Variants in LRRTM3 observed in about 807,000 individuals in gnomAD.
LRRTM3 encodes leucine-rich repeat transmembrane neuronal protein 3.
LRRTM3 carries 24 observed loss-of-function variants against 44.7 expected under a neutral mutation model. That is an observed-to-expected ratio of 0.54 (90% CI 0.39 to 0.76). LRRTM3 has a LOEUF of 0.76. Ranked by LOEUF, LRRTM3 falls within the 30% of genes least tolerant of loss-of-function variation. The pLI, the probability that LRRTM3 is intolerant of heterozygous loss-of-function variation, is 0.00. For missense variants in LRRTM3, 587 were observed against 702.2 expected, an observed-to-expected ratio of 0.84 and a Z score of 1.85; for synonymous variants, 277 against 278.7, an observed-to-expected ratio of 0.99 and a Z score of 0.06.
intron 2 of LRRTM3, among the ~76,000 whole-genome samples, chr10:67,040,220 T>C (rs572514329): frequency 6.6e-6 from 1 of 152,246 alleles, no homozygotes; most frequent in Admixed American, 6.5e-5. Flanking sequence ...GTGTTCTCTG[T>C]GAACTTGACA....
Position 66,944,603 on chromosome 10 carries a change from C to T in LRRTM3, c.1536+16151C>T, listed in dbSNP as rs557584426. ...GGTTTTCAATTTACTTTGCCCAGAT[C>T]CATCAAAGGAATTATTATCCAAGGC... On this transcript the variant is annotated intron_variant, in intron 2 of 2. Coordinates refer to ENST00000361320, the MANE Select transcript of LRRTM3 (RefSeq NM_178011.5). 3.9e-5 allele frequency among the ~76,000 whole-genome samples: 6 copies of T among 152,266 alleles called. 1 individual carries two copies. The highest frequency in any genetic ancestry group is 1.4e-4 in the African/African-American group (6 of 41,562).
At chr10:66,929,193 G>C (rs2296421) in intron 2 of LRRTM3, among the ~76,000 whole-genome samples, 52,129 of 152,022 alleles carry the variant, frequency 0.34, 9,646 homozygotes, top group East Asian at 0.47. Flanking sequence ...AATCAGACTA[G>C]AGGTTTCACT....
At chr10:67,049,309 G>A (rs1428703090) in intron 2 of LRRTM3, among the ~76,000 whole-genome samples, 1 of 152,004 alleles carries the variant, frequency 6.6e-6, no homozygotes, top group Non-Finnish European at 1.5e-5. Flanking sequence ...AATGATGAAG[G>A]CTCAACAGAA....
intron 2 of LRRTM3, among the ~76,000 whole-genome samples, chr10:67,033,436 A>G (rs1265486205): frequency 6.6e-6 from 1 of 152,188 alleles, no homozygotes; most frequent in African/African-American, 2.4e-5. Context: ...TCAGATTATT[A>G]TCTATGTATC....
chr10:66,956,233 G>A (rs1848785594), intron 2 of LRRTM3, among the ~76,000 whole-genome samples: 1 of 151,072 alleles, frequency 6.6e-6, no homozygotes, highest in Non-Finnish European at 1.5e-5. Context: ...GCTGTCTTGT[G>A]CAAATCTAGG....
rs1007693652 is a variant in LRRTM3, at chr10:66,928,563, C to A, written c.1536+111C>A. ...CGATGCCCCCCCTCCCCTTCCCTCT[C>A]CCTCTCACTTTGCTGGCAAGATCCT... is the stretch of plus-strand genomic sequence containing the variant. On this transcript the variant is annotated intron_variant, in intron 2 of 2. Transcript: ENST00000361320. The A allele has an allele frequency of 4.0e-6, 4 of 991,210 alleles. No homozygotes were observed. In the Admixed American group the frequency reaches 1.1e-4, roughly 28 times the overall value. 61.4% of individuals were successfully genotyped at this position (991,210 alleles called of 1,614,324 possible). A position where few individuals can be genotyped will look rare whatever the true frequency, so the allele number is the denominator to read the frequency against.
intron 2 of LRRTM3, chr10:67,012,494 G>A (rs1434448092): frequency 2.0e-5 from 3 of 152,132 alleles, no homozygotes; most frequent in South Asian, 2.1e-4. Flanking sequence ...TTAGAATGAT[G>A]AAAACCTTTG....
At chr10:67,066,460 G>C (rs1856091240) in intron 2 of LRRTM3, among the ~76,000 whole-genome samples, 1 of 148,536 alleles carries the variant, frequency 6.7e-6, no homozygotes, top group Non-Finnish European at 1.5e-5. Flanking sequence ...CAAAGTGCTA[G>C]AATTGTAGGT....
chr10:67,092,534 C>CAT (rs978321389), intron 2 of LRRTM3, among the ~76,000 whole-genome samples: 2 of 151,774 alleles, frequency 1.3e-5, no homozygotes, highest in African/African-American at 4.8e-5. Context: ...TATGAATGTT[C>CAT]ATATATATAC....
chr10:67,034,080 T>C (rs1197444103), intron 2 of LRRTM3, among the ~76,000 whole-genome samples: 1 of 152,166 alleles, frequency 6.6e-6, no homozygotes, highest in Non-Finnish European at 1.5e-5. Flanking sequence ...CCTATACTGC[T>C]TCTTAAAAGG....
rs1858238426 is a variant in LRRTM3, at chr10:67,099,857, C to T, written c.*2061C>T. On this transcript the variant is annotated 3_prime_UTR_variant, in exon 3 of 3. Coordinates refer to ENST00000361320, the MANE Select transcript of LRRTM3 (RefSeq NM_178011.5). ...TTCCTTGCAATGTATTATTCTTATTCTTAATTCTCTACATTGAAATTTGGC... is the reference window on the plus strand; with the variant it reads ...TTCCTTGCAATGTATTATTCTTATTTTTAATTCTCTACATTGAAATTTGGC... 1 of 151,488 alleles carries T rather than the reference C, an allele frequency of 6.6e-6. No homozygotes were observed. The highest frequency in any genetic ancestry group is 2.1e-4 in the South Asian group (1 of 4,816). The allele number at this position is 151,488 out of a possible 1,614,324, so 9.4% of individuals were successfully genotyped here. A position where few individuals can be genotyped will look rare whatever the true frequency, so the allele number is the denominator to read the frequency against.
At chr10:66,991,269 T>C (rs967721534) in intron 2 of LRRTM3, among the ~76,000 whole-genome samples, 1 of 152,220 alleles carries the variant, frequency 6.6e-6, no homozygotes, top group Non-Finnish European at 1.5e-5. Flanking sequence ...TTAAATGATC[T>C]GCACATTACT....
intron 2 of LRRTM3, among the ~76,000 whole-genome samples, chr10:66,954,213 T>C (rs1848679316): frequency 6.6e-6 from 1 of 152,200 alleles, no homozygotes. Context: ...TACATTTCAG[T>C]ATCTGCTTTT....
At chr10:66,981,651 T>C (rs921774041) in intron 2 of LRRTM3, among the ~76,000 whole-genome samples, 1 of 152,252 alleles carries the variant, frequency 6.6e-6, no homozygotes, top group Non-Finnish European at 1.5e-5. Flanking sequence ...ACATATTGAA[T>C]GGCAGTAATG....
chr10:67,008,806 A>G (rs1281672275), intron 2 of LRRTM3, among the ~76,000 whole-genome samples: 1 of 152,196 alleles, frequency 6.6e-6, no homozygotes, highest in Non-Finnish European at 1.5e-5. Flanking sequence ...GCCCCAGTGC[A>G]TAAGAATCTT....
chr10:66,980,059 C>A lies in LRRTM3; in HGVS notation c.1536+51607C>A, dbSNP rs1006014119. 2.0e-5 allele frequency among the ~76,000 whole-genome samples: 3 copies of A among 152,096 alleles called. No homozygotes were observed. In the East Asian group the frequency reaches 5.8e-4, roughly 29 times the overall value. ...CTTTTTTCCCTAAAATGTTTAGAGG[C>A]CTAGAATGTACCTAATAACTTGTAA... On this transcript the variant is annotated intron_variant, in intron 2 of 2. Coordinates refer to ENST00000361320, the MANE Select transcript of LRRTM3 (RefSeq NM_178011.5).
At chr10:67,067,524 A>T (rs1012857939) in intron 2 of LRRTM3, among the ~76,000 whole-genome samples, 7 of 152,234 alleles carry the variant, frequency 4.6e-5, no homozygotes, top group Non-Finnish European at 2.9e-5. Flanking sequence ...ATATGTGCAT[A>T]AAAATGCTGA....
intron 2 of LRRTM3, among the ~76,000 whole-genome samples, chr10:66,981,794 T>C (rs1421202583): frequency 6.6e-6 from 1 of 152,222 alleles, no homozygotes; most frequent in Non-Finnish European, 1.5e-5. Flanking sequence ...AACTACAGGT[T>C]CCTTCAACGA....
intron 2 of LRRTM3, among the ~76,000 whole-genome samples, chr10:66,932,935 T>A (rs939191896): frequency 1.3e-5 from 2 of 152,244 alleles, no homozygotes; most frequent in African/African-American, 4.8e-5. Context: ...CAAGTTCCTT[T>A]GACACTTGCT....
Sources: gnomAD v4.1 joint callset for allele counts (sites outside exome capture counted in the v4.1 genomes callset) on GRCh38, gnomAD v4.1.1 for gene constraint, MANE v1.5 for transcripts, NCBI Gene and HGNC (gene_info 2026-07-23, HGNC 2026-07-21) for gene names.